The following ADCY5 variants were observed in gnomAD, a reference collection of about 807,000 sequenced individuals.
The protein encoded by ADCY5 is adenylate cyclase type 5.
In ADCY5, 30 loss-of-function variants were observed where a neutral mutation model predicts 119.7. The observed-to-expected ratio is 0.25, with a 90% CI of 0.19 to 0.34. The LOEUF (loss-of-function observed/expected upper bound fraction) is 0.34, where lower values mean the gene tolerates loss of function less well. Ranked by LOEUF, ADCY5 falls within the 10% of genes least tolerant of loss-of-function variation. The pLI is 1.00. For missense variants in ADCY5, 1,324 were observed against 1,775.2 expected, an observed-to-expected ratio of 0.75 and a Z score of 4.57; for synonymous variants, 753 against 762.2, an observed-to-expected ratio of 0.99 and a Z score of 0.20.
chr3:123,364,232 TA>T (rs1225903881), intron 1 of ADCY5, among the ~76,000 whole-genome samples: 2 of 152,202 alleles, frequency 1.3e-5, no homozygotes, highest in Non-Finnish European at 2.9e-5. Context: ...TAAACTTACA[TA>T]AAGAAAGAAA....
rs1938433286 is a variant in ADCY5, at chr3:123,282,408, C to G, written c.*2200G>C. 6.6e-6 allele frequency: 1 copy of G among 152,264 alleles called. No individual in the cohort carries two copies. Among genetic ancestry groups the G allele is most frequent in the African/African-American group, 2.4e-5 (1 of 41,442 alleles). The allele number at this position is 152,264 out of a possible 1,614,324, so 9.4% of individuals were successfully genotyped here. A position where few individuals can be genotyped will look rare whatever the true frequency, so the allele number is the denominator to read the frequency against. On this transcript the variant is annotated 3_prime_UTR_variant, in exon 21 of 21. Transcript: ENST00000462833. The stretch of plus-strand genomic sequence containing the variant: ...AGTAGGAATAAAAAGAGTGCACACC[C>G]TTTAGAGGGAACGAAGAGCTAGCAC...
intron 5 of ADCY5, 149 bp from the exon 6 acceptor site, chr3:123,328,951 C>T: frequency 1.1e-6 from 1 of 881,552 alleles, no homozygotes; most frequent in East Asian, 2.7e-5. Context: ...GAACGTTCAG[C>T]CTGAAGGGCA....
At chr3:123,397,014 C>A (rs1294375800) in intron 1 of ADCY5, among the ~76,000 whole-genome samples, 16 of 152,072 alleles carry the variant, frequency 1.1e-4, no homozygotes, top group Admixed American at 1.0e-3. Flanking sequence ...AAGGTCCCGC[C>A]GAGAAGGAAT....
chr3:123,426,277 TTTTC>T (rs1275918433), intron 1 of ADCY5, among the ~76,000 whole-genome samples: 1 of 146,008 alleles, frequency 6.8e-6, no homozygotes, highest in African/African-American at 2.5e-5. Context: ...CATTCTTTTT[TTTTC>T]TTTTTCTTTT....
chr3:123,388,834 T>C (rs990145704), intron 1 of ADCY5, among the ~76,000 whole-genome samples: 1 of 151,892 alleles, frequency 6.6e-6, no homozygotes, highest in Non-Finnish European at 1.5e-5. Context: ...CTCTGTGAGA[T>C]TGGGGAGGCA....
intron 3 of ADCY5, among the ~76,000 whole-genome samples, chr3:123,340,410 C>A (rs2108447860): frequency 2.0e-5 from 3 of 152,310 alleles, no homozygotes; most frequent in Middle Eastern, 6.8e-3. Flanking sequence ...CCTTGACTTA[C>A]CCAAGCCCAG....
intron 5 of ADCY5, among the ~76,000 whole-genome samples, chr3:123,329,515 T>C (rs1488064372): frequency 6.6e-6 from 1 of 152,190 alleles, no homozygotes; most frequent in Non-Finnish European, 1.5e-5. Context: ...AAGGAAGCCA[T>C]ACATCTCCAG....
At chr3:123,377,207 G>A (rs1479984243) in intron 1 of ADCY5, among the ~76,000 whole-genome samples, 3 of 152,126 alleles carry the variant, frequency 2.0e-5, no homozygotes, top group African/African-American at 7.2e-5. Flanking sequence ...GAACTTCCAA[G>A]TCTCTTGGAA....
At chr3:123,287,903 C>T (rs1030682634) in intron 19 of ADCY5, among the ~76,000 whole-genome samples, 3 of 152,216 alleles carry the variant, frequency 2.0e-5, no homozygotes, top group African/African-American at 7.2e-5. Context: ...GTCCCCAGGC[C>T]TGATCCAATC....
In ADCY5 at chr3:123,347,840, C is replaced by T. The variant is rs368757423; in HGVS notation, c.1348G>A (p.Ala450Thr). The T allele has an allele frequency of 8.7e-6, 14 of 1,614,002 alleles. No homozygotes were observed. Among genetic ancestry groups the T allele is most frequent in the African/African-American group, 6.7e-5 (5 of 74,902 alleles). ...VAMEMKADIN[A>T]KQEDMMFHKI... is the part of the protein sequence containing the mutation. ...TGGAACATCATATCCTCCTGCTTGGCGTTGATGTCTGCTTTCATCTCCATG... is the reference window on the plus strand; with the variant it reads ...TGGAACATCATATCCTCCTGCTTGGTGTTGATGTCTGCTTTCATCTCCATG... Residue 450 changes from alanine to threonine, a missense_variant, in exon 3 of 21, where the codon GCC becomes ACC. This residue lies in a region of ADCY5 where 123 missense variants were observed against 287.9 expected (regional missense o/e 0.43). Coordinates refer to ENST00000462833, the MANE Select transcript of ADCY5 (RefSeq NM_183357.3).
chr3:123,435,785 C>T (rs1945598911), intron 1 of ADCY5, among the ~76,000 whole-genome samples: 1 of 150,842 alleles, frequency 6.6e-6, no homozygotes, highest in Non-Finnish European at 1.5e-5. Flanking sequence ...CTTTGGGAGG[C>T]CAAGGTAGGT....
rs573431310 is a variant in ADCY5, at chr3:123,348,717, G to A, written c.1285-814C>T. On this transcript the variant is annotated intron_variant, in intron 2 of 20. Coordinates refer to ENST00000462833, the MANE Select transcript of ADCY5 (RefSeq NM_183357.3). ...GAGGCTCACGTCAGCCTGTTACGGA[G>A]TCTGGACTATGCTCTCTTTCTGAGC... 4.6e-5 allele frequency among the ~76,000 whole-genome samples: 7 copies of A among 152,272 alleles called. No homozygotes were observed. In the East Asian group the frequency reaches 9.7e-4, roughly 21 times the overall value.
chr3:123,448,869 C>G lies in ADCY5; in HGVS notation c.-324G>C, dbSNP rs1677665987. The G allele has an allele frequency of 3.9e-6, 1 of 257,366 alleles. No homozygotes were observed. The highest frequency in any genetic ancestry group is 1.7e-4 in the South Asian group (1 of 5,828). The allele number at this position is 257,366 out of a possible 1,614,324, so 15.9% of individuals were successfully genotyped here. On this transcript the variant is annotated 5_prime_UTR_variant, in exon 1 of 21. Coordinates refer to ENST00000462833, the MANE Select transcript of ADCY5 (RefSeq NM_183357.3). The stretch of plus-strand genomic sequence containing the variant: ...AGACGTCCGGGATCCTGGCTCGCGT[C>G]GAGCTCGACGAGGGCCGGAGTTGCG...
At chr3:123,435,148 G>A (rs78004614) in intron 1 of ADCY5, among the ~76,000 whole-genome samples, 1 of 152,092 alleles carries the variant, frequency 6.6e-6, no homozygotes, top group South Asian at 2.1e-4. Flanking sequence ...AGCTGGGCCT[G>A]GTGGCGCATG....
At chr3:123,424,362 A>C (rs1470690828) in intron 1 of ADCY5, among the ~76,000 whole-genome samples, 2 of 152,144 alleles carry the variant, frequency 1.3e-5, no homozygotes, top group Non-Finnish European at 2.9e-5. Context: ...CCTCCTCTAC[A>C]AGATGGGGGT....
chr3:123,287,364 C>G (rs1938849148), intron 19 of ADCY5, among the ~76,000 whole-genome samples: 1 of 152,186 alleles, frequency 6.6e-6, no homozygotes, highest in Non-Finnish European at 1.5e-5. Context: ...GCATCACTGC[C>G]TCTGAGCCTT....
At position 123,319,796 on chromosome 3, in the gene ADCY5, G is replaced by C; in HGVS notation, c.2134C>G (p.Pro712Ala). ...KDKNAQESAN[P>A]EDEVDEFLGR... ...AGAAACTCATCCACTTCATCCTCAG[G>C]GTTCGCACTCTCCTGGGCGTTCCTG... Residue 712 changes from proline to alanine, a missense_variant, in exon 10 of 21, where the codon CCT (proline) becomes GCT (alanine). Physicochemically the swap from Pro to Ala is conservative, Grantham distance 27. Around this residue, in one of 6 missense-constraint regions of ADCY5, gnomAD observed 424 missense variants for 546.8 expected, o/e 0.78. Transcript: ENST00000462833. 1.2e-6 allele frequency: 2 copies of C among 1,614,186 alleles called. No homozygotes were observed. The highest frequency in any genetic ancestry group is 1.7e-6 in the Non-Finnish European group (2 of 1,180,016).
intron 17 of ADCY5, among the ~76,000 whole-genome samples, chr3:123,292,462 T>A (rs1939210707): frequency 6.6e-6 from 1 of 152,122 alleles, no homozygotes; most frequent in Non-Finnish European, 1.5e-5. Context: ...CCTGGTGGCC[T>A]CCTGGAGTCC....
chr3:123,290,002 A>C, intron 18 of ADCY5, 48 bp from the exon 19 acceptor site: 2 of 1,587,144 alleles, frequency 1.3e-6, no homozygotes, highest in South Asian at 2.2e-5. Context: ...TGGGACACCG[A>C]GGGCCACAGG....
Sources: gnomAD v4.1 joint callset for allele counts (sites outside exome capture counted in the v4.1 genomes callset) on GRCh38, gnomAD v4.1.1 for gene constraint, gnomAD v4.1.1 regional missense constraint, MANE v1.5 for transcripts, NCBI Gene and HGNC (gene_info 2026-07-23, HGNC 2026-07-21) for gene names.